The following SORCS2 variants were observed in gnomAD, a reference collection of about 807,000 sequenced individuals.
SORCS2 encodes sortilin related VPS10 domain containing receptor 2.
Under a neutral mutation model 141.6 loss-of-function variants are expected in SORCS2, and 100 were observed. The ratio of observed to expected loss-of-function variants is 0.71; its 90% CI spans 0.60 to 0.83. The LOEUF is 0.83. Among genes scored for constraint, SORCS2 ranks in the 40% least tolerant of loss-of-function variants. SORCS2 has a pLI of 0.00. For synonymous variants in SORCS2, 789 were observed against 676.9 expected (o/e 1.17, Z -2.57); for missense variants, 1,646 against 1,560.2 (o/e 1.05, Z -0.93).
intron 2 of SORCS2, among the ~76,000 whole-genome samples, chr4:7,513,886 G>A (rs1000928700): frequency 1.3e-5 from 2 of 152,228 alleles, no homozygotes; most frequent in African/African-American, 4.8e-5. Flanking sequence ...GGAGAGCAGA[G>A]CGCATTAAGT....
chr4:7,283,907 GCGAGGGATC>G (rs1716042770), intron 1 of SORCS2, among the ~76,000 whole-genome samples: 1 of 152,156 alleles, frequency 6.6e-6, no homozygotes, highest in African/African-American at 2.4e-5. Context: ...GGCCATAGGA[GCGAGGGATC>G]CTTTGTGTTT....
intron 17 of SORCS2, among the ~76,000 whole-genome samples, chr4:7,716,639 A>G (rs1482038648): frequency 1.3e-5 from 2 of 150,924 alleles, no homozygotes; most frequent in Non-Finnish European, 2.9e-5. Flanking sequence ...CCATCCATCT[A>G]CCCATCCATC....
At chr4:7,307,104 AG>A (rs1304155035) in intron 1 of SORCS2, among the ~76,000 whole-genome samples, 5 of 152,124 alleles carry the variant, frequency 3.3e-5, no homozygotes, top group African/African-American at 1.2e-4. Context: ...AGAGACTAAA[AG>A]CTTCTGTGCC....
intron 1 of SORCS2, among the ~76,000 whole-genome samples, chr4:7,306,242 CG>C (rs1354803222): frequency 3.9e-5 from 6 of 152,134 alleles, no homozygotes; most frequent in Non-Finnish European, 7.3e-5. Context: ...AGCCCACAGT[CG>C]GCTGGCTGGC....
chr4:7,733,512 GC>G, intron 24 of SORCS2, 91 bp downstream of exon 24: 2 of 1,051,264 alleles, frequency 1.9e-6, no homozygotes, highest in Non-Finnish European at 2.7e-6. Context: ...CGGGCAGATG[GC>G]CCGTATCCCC....
intron 19 of SORCS2, among the ~76,000 whole-genome samples, chr4:7,724,302 CAAT>C (rs1405415638): frequency 2.8e-5 from 2 of 70,954 alleles, no homozygotes; most frequent in Non-Finnish European, 5.1e-5. Flanking sequence ...ATAATGGTGA[CAAT>C]GGTGGTGGTG....
intron 1 of SORCS2, among the ~76,000 whole-genome samples, chr4:7,254,314 C>T (rs941927083): frequency 1.5e-4 from 23 of 152,176 alleles, no homozygotes; most frequent in African/African-American, 5.1e-4. Flanking sequence ...GTGGTCTAGA[C>T]ACACCATGGA....
chr4:7,394,616 C>T (rs1002109893), intron 1 of SORCS2, among the ~76,000 whole-genome samples: 10 of 151,754 alleles, frequency 6.6e-5, no homozygotes, highest in Non-Finnish European at 1.3e-4. Flanking sequence ...GGTGGGGACT[C>T]TCCCCTCGAG....
intron 12 of SORCS2, among the ~76,000 whole-genome samples, chr4:7,700,603 A>G (rs1297110546): frequency 1.3e-5 from 2 of 152,182 alleles, no homozygotes; most frequent in African/African-American, 4.8e-5. Flanking sequence ...CCAGGAAACA[A>G]TTTCTATGAA....
intron 1 of SORCS2, among the ~76,000 whole-genome samples, chr4:7,324,589 G>T (rs1307340413): frequency 1.3e-5 from 2 of 152,224 alleles, no homozygotes; most frequent in African/African-American, 4.8e-5. Flanking sequence ...AAAAGCAGGG[G>T]AGAGACTGGT....
intron 1 of SORCS2, among the ~76,000 whole-genome samples, chr4:7,266,130 G>C (rs1714710943): frequency 6.6e-6 from 1 of 152,158 alleles, no homozygotes; most frequent in Admixed American, 6.5e-5. Flanking sequence ...CCACAGAGCT[G>C]AGGGACCCTT....
chr4:7,332,090 A>G (rs1231424409), intron 1 of SORCS2, among the ~76,000 whole-genome samples: 1 of 152,192 alleles, frequency 6.6e-6, no homozygotes, highest in Non-Finnish European at 1.5e-5. Context: ...GAGAGAACGC[A>G]TGTTTAGTGA....
At chr4:7,668,072 G>T (rs953891400) in intron 8 of SORCS2, among the ~76,000 whole-genome samples, 1 of 152,208 alleles carries the variant, frequency 6.6e-6, no homozygotes, top group Non-Finnish European at 1.5e-5. Flanking sequence ...TTTATTTACT[G>T]AGCACCAAAT....
intron 9 of SORCS2, among the ~76,000 whole-genome samples, chr4:7,679,967 A>G (rs1415871586): frequency 6.6e-6 from 1 of 152,184 alleles, no homozygotes; most frequent in South Asian, 2.1e-4. Flanking sequence ...AACACAAACC[A>G]TCATGGGAAA....
At chr4:7,689,352 C>G in intron 10 of SORCS2, 134 bp from the exon 11 acceptor site, 2 of 725,470 alleles carry the variant, frequency 2.8e-6, no homozygotes, top group Non-Finnish European at 4.6e-6. Context: ...CATCCTCCAT[C>G]CGTTCCTCCA....
At chr4:7,295,257 C>T (rs943230569) in intron 1 of SORCS2, among the ~76,000 whole-genome samples, 13 of 139,030 alleles carry the variant, frequency 9.4e-5, no homozygotes, top group African/African-American at 3.3e-4. Context: ...ACCATTATGG[C>T]CGCCCACACA....
At chr4:7,450,976 A>G (rs1004659980) in intron 2 of SORCS2, among the ~76,000 whole-genome samples, 1 of 151,672 alleles carries the variant, frequency 6.6e-6, no homozygotes, top group Admixed American at 6.6e-5. Context: ...GAGTGAATGC[A>G]TGAGTGACTG....
intron 3 of SORCS2, among the ~76,000 whole-genome samples, chr4:7,616,207 A>C (rs933026205): frequency 6.6e-6 from 1 of 152,008 alleles, no homozygotes; most frequent in Non-Finnish European, 1.5e-5. Context: ...AATTACCTTC[A>C]TCTGGAGGCT....
intron 9 of SORCS2, among the ~76,000 whole-genome samples, chr4:7,676,931 CCT>C (rs1281517329): frequency 3.8e-4 from 10 of 25,990 alleles, no homozygotes; most frequent in South Asian, 1.1e-3. Flanking sequence ...TCCCTCTCTC[CCT>C]CTCTCCCTCT....
Sources: allele counts gnomAD v4.1 joint callset (sites outside exome capture counted in the v4.1 genomes callset), GRCh38; gene constraint gnomAD v4.1.1; transcripts MANE v1.5; gene names NCBI Gene and HGNC (gene_info 2026-07-23, HGNC 2026-07-21).